DNAJC8: variants seen among roughly 807,000 people sequenced by gnomAD.
DNAJC8 encodes dnaJ homolog subfamily C member 8.
DNAJC8 carries 24 observed loss-of-function variants against 43.2 expected under a neutral mutation model. The observed-to-expected ratio is 0.56, with a 90% CI of 0.40 to 0.78. The LOEUF (loss-of-function observed/expected upper bound fraction) is 0.78, where lower values mean the gene tolerates loss of function less well. Among genes scored for constraint, DNAJC8 ranks in the 30% least tolerant of loss-of-function variants. DNAJC8 has a pLI of 0.00. For synonymous variants in DNAJC8, 83 were observed against 98.0 expected (o/e 0.85, Z 0.90); for missense variants, 207 against 299.4 (o/e 0.69, Z 2.28).
intron 2 of DNAJC8, among the ~76,000 whole-genome samples, chr1:28,222,160 TA>T (rs1217275670): frequency 3.3e-5 from 5 of 152,084 alleles, no homozygotes; most frequent in Non-Finnish European, 7.4e-5. Flanking sequence ...TGGATAATAG[TA>T]ATGGTTGGAC....
intron 6 of DNAJC8, among the ~76,000 whole-genome samples, chr1:28,207,777 C>T (rs952022527): frequency 6.6e-6 from 1 of 151,274 alleles, no homozygotes; most frequent in African/African-American, 2.4e-5. Flanking sequence ...AAAATTAGGC[C>T]GCGCACGGTG....
At chr1:28,207,596 ACCACG>A (rs1646778487) in intron 6 of DNAJC8, among the ~76,000 whole-genome samples, 1 of 150,618 alleles carries the variant, frequency 6.6e-6, no homozygotes, top group Non-Finnish European at 1.5e-5. Flanking sequence ...GGCACGTGCC[ACCACG>A]CCCAGATAAT....
In DNAJC8 at chr1:28,229,040, T is replaced by TA. The variant is rs778847817; in HGVS notation, c.79-18dup. On this transcript the variant is annotated splice_polypyrimidine_tract_variant and intron_variant, in intron 1 of 8. Transcript: ENST00000263697. ...TTGTTTCACCTAAAATTATGAGGATTAAAAACTTCATTAATAGAATTCAAT... is the reference window on the plus strand; with the variant it reads ...TTGTTTCACCTAAAATTATGAGGATTAAAAAACTTCATTAATAGAATTCAAT... 6 of 1,596,584 alleles carry TA rather than the reference T, an allele frequency of 3.8e-6. No homozygotes were observed. The African/African-American group carries it at 8.1e-5, about 21-fold the overall frequency.
intron 1 of DNAJC8, among the ~76,000 whole-genome samples, chr1:28,232,664 G>A (rs955163889): frequency 4.6e-5 from 7 of 152,146 alleles, no homozygotes; most frequent in Admixed American, 2.0e-4. Context: ...CACTCTGCCC[G>A]CGCGCCCGCA....
At chr1:28,226,897 C>T (rs1557714015) in intron 2 of DNAJC8, among the ~76,000 whole-genome samples, 1 of 150,978 alleles carries the variant, frequency 6.6e-6, no homozygotes, top group Admixed American at 6.6e-5. Flanking sequence ...ATTGCTTTCT[C>T]AACTATTAGT....
At chr1:28,227,116 TTTTTTTTTTTG>T in intron 2 of DNAJC8, among the ~76,000 whole-genome samples, 1 of 142,526 alleles carries the variant, frequency 7.0e-6, no homozygotes, top group African/African-American at 2.6e-5. Flanking sequence ...TTTTTTTTTT[TTTTTTTTTTTG>T]GACAGGCGCG....
At chr1:28,208,500 T>C (rs1646786223) in intron 5 of DNAJC8, 87 bp from the exon 6 acceptor site, 1 of 829,802 alleles carries the variant, frequency 1.2e-6, no homozygotes, top group Admixed American at 3.2e-5. Flanking sequence ...TATTTAACTT[T>C]CTATAGGCAC....
intron 2 of DNAJC8, among the ~76,000 whole-genome samples, chr1:28,218,165 G>A (rs2149020025): frequency 7.0e-6 from 1 of 143,030 alleles, no homozygotes; most frequent in African/African-American, 2.6e-5. Flanking sequence ...GTGTGATCTT[G>A]GCTCACTGCA....
At chr1:28,232,031 A>T (rs1646979581) in intron 1 of DNAJC8, among the ~76,000 whole-genome samples, 1 of 152,076 alleles carries the variant, frequency 6.6e-6, no homozygotes, top group Admixed American at 6.5e-5. Context: ...CTGGGATTAC[A>T]GGCGTGAGCC....
intron 3 of DNAJC8, among the ~76,000 whole-genome samples, chr1:28,212,318 A>C (rs1381396164): frequency 2.2e-5 from 3 of 133,858 alleles, no homozygotes; most frequent in Admixed American, 8.0e-5. Flanking sequence ...TCTATCATCC[A>C]GGCTGGAGTG....
At position 28,218,322 on chromosome 1, in the gene DNAJC8, C is replaced by A. The variant is rs557758948; in HGVS notation, c.181-3326G>T. The stretch of plus-strand genomic sequence containing the variant: ...GTTGGTCAGGCTGGTCTCGAACTCC[C>A]GACTTCAGGTGATCTGCCCACCTCA... On this transcript the variant is annotated intron_variant, in intron 2 of 8. Coordinates refer to ENST00000263697, the MANE Select transcript of DNAJC8 (RefSeq NM_014280.3). 4.6e-4 allele frequency among the ~76,000 whole-genome samples: 70 copies of A among 151,802 alleles called. 1 individual carries two copies. Among genetic ancestry groups the A allele is most frequent in the African/African-American group, 1.4e-3 (58 of 41,284 alleles).
intron 2 of DNAJC8, among the ~76,000 whole-genome samples, chr1:28,227,547 G>A (rs1646945176): frequency 6.6e-6 from 1 of 151,832 alleles, no homozygotes. Context: ...AGCCATGATT[G>A]CACCACTGCA....
At chr1:28,223,154 G>C (rs1026782448) in intron 2 of DNAJC8, among the ~76,000 whole-genome samples, 1 of 152,136 alleles carries the variant, frequency 6.6e-6, no homozygotes, top group Non-Finnish European at 1.5e-5. Flanking sequence ...TGAAAAGGCA[G>C]CCCAACACAA....
At position 28,200,769 on chromosome 1, in the gene DNAJC8, C is replaced by G. The variant is rs1197757490; in HGVS notation, c.*479G>C. 4.6e-6 allele frequency: 2 copies of G among 430,322 alleles called. No homozygotes were observed. The highest frequency in any genetic ancestry group is 2.6e-5 in the Admixed American group (1 of 38,608). 26.7% of individuals were successfully genotyped at this position (430,322 alleles called of 1,614,324 possible). On this transcript the variant is annotated 3_prime_UTR_variant, in exon 9 of 9. Coordinates refer to ENST00000263697, the MANE Select transcript of DNAJC8 (RefSeq NM_014280.3). ...GCTGCTCTGTGTGCTCACAAGTGTT[C>G]CCTGTCTTATCTGGGCCTTCGAAGG... is the stretch of plus-strand genomic sequence containing the variant.
intron 6 of DNAJC8, among the ~76,000 whole-genome samples, chr1:28,205,786 G>A (rs1646764447): frequency 6.6e-6 from 1 of 152,142 alleles, no homozygotes; most frequent in African/African-American, 2.4e-5. Flanking sequence ...TACTCGGGAG[G>A]CTGAGGCAGG....
At chr1:28,222,049 A>G (rs1646901784) in intron 2 of DNAJC8, among the ~76,000 whole-genome samples, 1 of 152,210 alleles carries the variant, frequency 6.6e-6, no homozygotes, top group Non-Finnish European at 1.5e-5. Flanking sequence ...AGAGACAAAA[A>G]GTAGAATGGT....
Position 28,210,019 on chromosome 1 carries a change from T to G in DNAJC8, c.352A>C (p.Arg118=), listed in dbSNP as rs1206838379. The G allele has an allele frequency of 1.9e-6, 3 of 1,614,154 alleles. No homozygotes were observed. Among genetic ancestry groups the G allele is most frequent in the East Asian group, 4.5e-5 (2 of 44,886 alleles). The change falls in exon 5 of 9, where the codon AGG becomes CGG. Residue 118 remains arginine (R), a synonymous_variant. Coordinates refer to ENST00000263697, the MANE Select transcript of DNAJC8 (RefSeq NM_014280.3). ...CCTGCCTGAATTACATCCAGGGCCC[T>G]CTTCTTTTGCTCCTGATCCAGTAGC... is the stretch of plus-strand genomic sequence containing the variant. ...KLLLDQEQKK[R]ALDVIQAGKE... is the part of the protein sequence containing the mutation.
At chr1:28,229,260 C>T (rs775973805) in intron 1 of DNAJC8, among the ~76,000 whole-genome samples, 6 of 152,128 alleles carry the variant, frequency 3.9e-5, no homozygotes, top group Non-Finnish European at 8.8e-5. Context: ...CTGTTATACC[C>T]AATTCACAGA....
chr1:28,212,190 T>A (rs1464446054), intron 3 of DNAJC8, among the ~76,000 whole-genome samples: 1,479 of 104,890 alleles, frequency 0.014, 120 homozygotes, highest in African/African-American at 0.04. Context: ...TATATATATA[T>A]ATATATATAT....
Sources: allele counts gnomAD v4.1 joint callset (sites outside exome capture counted in the v4.1 genomes callset), GRCh38; gene constraint gnomAD v4.1.1; transcripts MANE v1.5; gene names NCBI Gene and HGNC (gene_info 2026-07-23, HGNC 2026-07-21).